The following AOPEP variants were observed in gnomAD, a reference collection of about 807,000 sequenced individuals.
AOPEP encodes aminopeptidase O (putative), also known as aminopeptidase O.
A neutral mutation model predicts 98.1 loss-of-function variants in AOPEP; 77 were observed. That is an observed-to-expected ratio of 0.78 (90% confidence interval 0.65 to 0.95). AOPEP has a LOEUF of 0.95. Ranked by LOEUF, AOPEP falls within the 40% of genes least tolerant of loss-of-function variation. AOPEP has a pLI of 0.00. For synonymous variants in AOPEP, 346 were observed against 365.3 expected (o/e 0.95, Z 0.60); for missense variants, 1,024 against 1,024.7 (o/e 1.00, Z 0.01).
intron 9 of AOPEP, among the ~76,000 whole-genome samples, chr9:94,962,658 T>C (rs142786977): frequency 6.6e-6 from 1 of 152,162 alleles, no homozygotes; most frequent in Non-Finnish European, 1.5e-5. Context: ...CTAAAGTTCT[T>C]CCTTTTCCAG....
intron 13 of AOPEP, among the ~76,000 whole-genome samples, chr9:95,054,664 T>C (rs1452217727): frequency 6.6e-6 from 1 of 152,228 alleles, no homozygotes; most frequent in Non-Finnish European, 1.5e-5. Context: ...AAACCATGGC[T>C]CAAAGTTTGT....
chr9:95,033,189 G>A (rs2064470757), intron 13 of AOPEP, among the ~76,000 whole-genome samples: 1 of 152,154 alleles, frequency 6.6e-6, no homozygotes, highest in African/African-American at 2.4e-5. Flanking sequence ...ACAGATATAA[G>A]TCCGCTGTGT....
chr9:94,843,899 TG>T (rs781057836), intron 5 of AOPEP, among the ~76,000 whole-genome samples: 8 of 152,230 alleles, frequency 5.3e-5, no homozygotes, highest in Non-Finnish European at 1.0e-4. Context: ...GCTATCTTTT[TG>T]TTGGTAAGTT....
At chr9:95,069,374 A>G (rs928264378) in intron 14 of AOPEP, among the ~76,000 whole-genome samples, 1 of 152,232 alleles carries the variant, frequency 6.6e-6, no homozygotes, top group Non-Finnish European at 1.5e-5. Context: ...CTTTCAGCAA[A>G]GGCTGTGAGT....
intron 14 of AOPEP, among the ~76,000 whole-genome samples, chr9:95,072,491 G>A (rs893210938): frequency 1.3e-5 from 2 of 152,112 alleles, no homozygotes; most frequent in Admixed American, 6.5e-5. Flanking sequence ...CTCTTATCCA[G>A]GCATAGTGGC....
At chr9:94,753,239 G>A (rs1465710299) in intron 1 of AOPEP, among the ~76,000 whole-genome samples, 1 of 151,880 alleles carries the variant, frequency 6.6e-6, no homozygotes, top group Non-Finnish European at 1.5e-5. Context: ...AGGAAGGAGT[G>A]GAATGTATAA....
intron 13 of AOPEP, among the ~76,000 whole-genome samples, chr9:95,047,514 C>T (rs1258803270): frequency 3.3e-5 from 5 of 152,146 alleles, no homozygotes; most frequent in Non-Finnish European, 7.3e-5. Context: ...GTTTAACATG[C>T]AGAACTTGTG....
At chr9:94,739,951 C>T (rs548247738) in intron 1 of AOPEP, among the ~76,000 whole-genome samples, 2 of 152,280 alleles carry the variant, frequency 1.3e-5, no homozygotes, top group East Asian at 1.9e-4. Flanking sequence ...AAAGATACCT[C>T]AGATTTGTTC....
chr9:94,779,992 C>T (rs1842930023), intron 3 of AOPEP, among the ~76,000 whole-genome samples: 1 of 152,234 alleles, frequency 6.6e-6, no homozygotes, highest in African/African-American at 2.4e-5. Context: ...TACACTAATA[C>T]AGATGGGAAC....
At chr9:95,135,672 G>A in the AOPEP span, 4 of 618,480 alleles carry the variant, frequency 6.5e-6, no homozygotes, top group African/African-American at 7.4e-5. Context: ...GTGCTCATTT[G>A]CAAAATAATG....
Position 94,800,943 on chromosome 9 carries a change from G to A in AOPEP, c.1305G>A (p.Pro435=), listed in dbSNP as rs552315641. The A allele has an allele frequency of 1.6e-5, 26 of 1,614,156 alleles. No individual in the cohort carries two copies. The highest frequency in any genetic ancestry group is 1.5e-4 in the South Asian group (14 of 91,082). Reference sequence around the variant, plus strand: ...CACATTCTGTTCTGGGAGCACACCCGTTCTCTCGGCTGGATGTTCTCATCG... The same window carrying A: ...CACATTCTGTTCTGGGAGCACACCCATTCTCTCGGCTGGATGTTCTCATCG... ...SAAHSVLGAH[P]FSRLDVLIVP... Residue 435 remains proline, a synonymous_variant, in exon 5 of 17, where the codon CCG becomes CCA. Transcript: ENST00000375315.
intron 13 of AOPEP, among the ~76,000 whole-genome samples, chr9:95,051,788 CT>C (rs1230773938): frequency 6.6e-6 from 1 of 151,822 alleles, no homozygotes; most frequent in Non-Finnish European, 1.5e-5. Context: ...ACTGCAAGCT[CT>C]GCCTCCCAGG....
At chr9:95,060,046 TA>T (rs1276286199) in intron 13 of AOPEP, among the ~76,000 whole-genome samples, 1 of 152,232 alleles carries the variant, frequency 6.6e-6, no homozygotes, top group East Asian at 1.9e-4. Flanking sequence ...CCTTAACTTG[TA>T]ACACCACTTT....
Position 95,086,977 on chromosome 9 carries a change from G to C in AOPEP, c.*300G>C. On this transcript the variant is annotated 3_prime_UTR_variant, in exon 17 of 17. Coordinates refer to ENST00000375315, the MANE Select transcript of AOPEP (RefSeq NM_001193329.3). ...CAGAGATGATTAAATATATCCAAGAGACATTGGAAAACCTGCTGAACATTT... is the reference window on the plus strand; with the variant it reads ...CAGAGATGATTAAATATATCCAAGACACATTGGAAAACCTGCTGAACATTT... 1 of 985,658 alleles carries C rather than the reference G, an allele frequency of 1.0e-6. No individual in the cohort carries two copies. Among genetic ancestry groups the C allele is most frequent in the East Asian group, 1.1e-4 (1 of 8,802 alleles). 61.1% of individuals were successfully genotyped at this position (985,658 alleles called of 1,614,324 possible). A position where few individuals can be genotyped will look rare whatever the true frequency, so the allele number is the denominator to read the frequency against.
chr9:95,051,723 AG>A (rs2066385521), intron 13 of AOPEP, among the ~76,000 whole-genome samples: 1 of 144,328 alleles, frequency 6.9e-6, no homozygotes, highest in Admixed American at 6.9e-5. Context: ...TTTTTTTTTG[AG>A]ACGGAGTCTC....
chr9:94,940,490 TA>T (rs2056883529), intron 7 of AOPEP, among the ~76,000 whole-genome samples: 1 of 151,998 alleles, frequency 6.6e-6, no homozygotes, highest in Non-Finnish European at 1.5e-5. Context: ...TAATCCTAGC[TA>T]CTCAGAAGGC....
At chr9:94,870,511 A>G (rs1275926943) in intron 5 of AOPEP, among the ~76,000 whole-genome samples, 1 of 152,332 alleles carries the variant, frequency 6.6e-6, no homozygotes, top group Non-Finnish European at 1.5e-5. Context: ...TTTAGACACA[A>G]AGTTCCCTCA....
intron 5 of AOPEP, among the ~76,000 whole-genome samples, chr9:94,853,895 T>C (rs908853390): frequency 1.3e-5 from 2 of 152,212 alleles, no homozygotes; most frequent in Non-Finnish European, 2.9e-5. Flanking sequence ...AGGTACATGC[T>C]AGCAGAGCTT....
chr9:94,854,367 C>A (rs915720868), intron 5 of AOPEP, among the ~76,000 whole-genome samples: 2 of 152,180 alleles, frequency 1.3e-5, no homozygotes, highest in Non-Finnish European at 2.9e-5. Context: ...AAACATGACA[C>A]TGAACAGTGT....
Sources: allele counts gnomAD v4.1 joint callset (sites outside exome capture counted in the v4.1 genomes callset), GRCh38; gene constraint gnomAD v4.1.1; transcripts MANE v1.5; gene names NCBI Gene and HGNC (gene_info 2026-07-23, HGNC 2026-07-21).